ACSF2: variants seen among roughly 807,000 people sequenced by gnomAD.
ACSF2 encodes the protein medium-chain acyl-CoA ligase ACSF2, mitochondrial.
A neutral mutation model predicts 79.3 loss-of-function variants in ACSF2; 52 were observed. That is an observed-to-expected ratio of 0.66 (90% CI 0.53 to 0.83). ACSF2 has a LOEUF of 0.83. ACSF2 is among the 40% of genes least tolerant of loss of function. The pLI, the probability that ACSF2 is intolerant of heterozygous loss-of-function variation, is 0.00. For synonymous variants in ACSF2, 283 were observed against 312.6 expected (o/e 0.91, Z 1.00); for missense variants, 661 against 803.3 (o/e 0.82, Z 2.14).
intron 10 of ACSF2, among the ~76,000 whole-genome samples, chr17:50,470,365 G>GT (rs1205678803): frequency 6.6e-6 from 1 of 152,076 alleles, no homozygotes; most frequent in Non-Finnish European, 1.5e-5. Flanking sequence ...TTTTTCTGTT[G>GT]CTCAGGCTTT....
intron 1 of ACSF2, among the ~76,000 whole-genome samples, chr17:50,457,659 G>A (rs867668638): frequency 1.3e-5 from 2 of 152,112 alleles, no homozygotes; most frequent in Non-Finnish European, 2.9e-5. Flanking sequence ...CTTCTTTACC[G>A]AATAGCCTTA....
chr17:50,444,481 G>A (rs1359709157), intron 1 of ACSF2, among the ~76,000 whole-genome samples: 3 of 152,038 alleles, frequency 2.0e-5, no homozygotes, highest in African/African-American at 7.3e-5. Context: ...TTTGAACCAG[G>A]GAGGTAGAAG....
At chr17:50,468,063 G>A in intron 10 of ACSF2, 3 of 1,602,698 alleles carry the variant, frequency 1.9e-6, no homozygotes, top group Non-Finnish European at 2.6e-6. Flanking sequence ...GTGTTGTCCA[G>A]CCAGAGGGTC....
intron 5 of ACSF2, 37 bp from the exon 6 acceptor site, chr17:50,462,383 C>T: frequency 1.2e-6 from 2 of 1,610,330 alleles, no homozygotes; most frequent in Admixed American, 1.7e-5. Flanking sequence ...TGCCCCCTCC[C>T]TCAGCCCCTG....
Position 50,474,732 on chromosome 17 carries a change from G to A in ACSF2, c.*180G>A. Reference sequence around the variant, plus strand: ...GGTCCGGGAACTCGCCTGGGCACAAGGTGCCAAAAGGCAGGCAGCCTGCCC... The same window carrying A: ...GGTCCGGGAACTCGCCTGGGCACAAAGTGCCAAAAGGCAGGCAGCCTGCCC... On this transcript the variant is annotated 3_prime_UTR_variant, in exon 16 of 16. Coordinates refer to ENST00000300441, the MANE Select transcript of ACSF2 (RefSeq NM_025149.6). The surrounding 1 kb of genome is among the most constrained non-coding windows in gnomAD (Gnocchi z 4.2). 1 of 633,610 alleles carries A rather than the reference G, an allele frequency of 1.6e-6. No homozygotes were observed. The allele number at this position is 633,610 out of a possible 1,614,324, so 39.2% of individuals were successfully genotyped here.
chr17:50,462,777 G>A (rs1751505420), intron 6 of ACSF2, 192 bp downstream of exon 6: 10 of 671,648 alleles, frequency 1.5e-5, no homozygotes, highest in Non-Finnish European at 2.5e-5. Context: ...CTAGCCCCCC[G>A]CCCTCTCCAC....
intron 10 of ACSF2, chr17:50,467,911 C>T (rs2032843098): frequency 4.4e-6 from 4 of 912,512 alleles, no homozygotes; most frequent in South Asian, 1.8e-5. Context: ...GGCAGAGCTG[C>T]TCACCTTGGA....
Position 50,474,347 on chromosome 17 carries a change from A to T in ACSF2, c.1797+80A>T. 6.4e-7 allele frequency: 1 copy of T among 1,550,472 alleles called. No individual in the cohort carries two copies. The highest frequency in any genetic ancestry group is 1.7e-4 in the Middle Eastern group (1 of 5,908). On this transcript the variant is annotated intron_variant, in intron 15 of 15. Coordinates refer to ENST00000300441, the MANE Select transcript of ACSF2 (RefSeq NM_025149.6). This position sits in a 1 kb window ranked among gnomAD's most constrained non-coding sequence, Gnocchi z 4.2. ...GGCCCCACCTCTGTTTCCTTCAGCA[A>T]TGGGTGTGGAGAGACTGGCAGTAGG... is the stretch of plus-strand genomic sequence containing the variant.
At chr17:50,472,296 A>C in intron 11 of ACSF2, 132 bp from the exon 12 acceptor site, 1 of 1,079,568 alleles carries the variant, frequency 9.3e-7, no homozygotes. Flanking sequence ...GGGGATAAGC[A>C]GAGCCAGGGG....
rs140315387 is a variant in ACSF2, at chr17:50,426,769, A to G, written c.128+380A>G. On this transcript the variant is annotated intron_variant, in intron 1 of 15. Transcript: ENST00000300441. ...TCTGAGTTGGAACCCCTTCATGGGC[A>G]AACTTGGGGATCAGCCCCAGTCTCC... 5.8e-4 allele frequency: 540 copies of G among 937,726 alleles called. 1 individual carries two copies. The African/African-American group carries it at 8.0e-3, about 14-fold the overall frequency. 58.1% of individuals were successfully genotyped at this position (937,726 alleles called of 1,614,324 possible).
intron 1 of ACSF2, among the ~76,000 whole-genome samples, chr17:50,453,399 G>T (rs968908823): frequency 2.6e-5 from 4 of 152,010 alleles, no homozygotes; most frequent in Non-Finnish European, 4.4e-5. Flanking sequence ...GTAGAGACGG[G>T]GTTGCACCAT....
intron 1 of ACSF2, among the ~76,000 whole-genome samples, chr17:50,427,895 C>A (rs78073581): frequency 6.6e-6 from 1 of 152,184 alleles, no homozygotes; most frequent in Non-Finnish European, 1.5e-5. Context: ...GGAGGAGACT[C>A]ATTTATCCAG....
At chr17:50,440,222 G>A (rs879921121) in intron 1 of ACSF2, among the ~76,000 whole-genome samples, 121 of 151,328 alleles carry the variant, frequency 8.0e-4, no homozygotes, top group Non-Finnish European at 1.6e-3. Flanking sequence ...TGGCTAGCTA[G>A]TATGGCACCC....
At chr17:50,452,290 G>A (rs1355020391) in intron 1 of ACSF2, among the ~76,000 whole-genome samples, 2 of 151,670 alleles carry the variant, frequency 1.3e-5, no homozygotes, top group East Asian at 1.9e-4. Context: ...TTCCCATGTC[G>A]CATTGAAAAA....
At position 50,436,697 on chromosome 17, in the gene ACSF2, G is replaced by C. The variant is rs1009158002; in HGVS notation, c.128+10308G>C. Among the ~76,000 whole-genome samples the C allele has an allele frequency of 4.0e-5, 6 of 149,568 alleles. No individual in the cohort carries two copies. The South Asian group carries it at 1.3e-3, about 31-fold the overall frequency. The stretch of plus-strand genomic sequence containing the variant: ...GATCCACCTACCTCGGCCTCCCAAA[G>C]TGCTGGGATTACAGGTGTGAGCCAC... On this transcript the variant is annotated intron_variant, in intron 1 of 15. Coordinates refer to ENST00000300441, the MANE Select transcript of ACSF2 (RefSeq NM_025149.6).
Position 50,471,198 on chromosome 17 carries a change from T to C in ACSF2, c.1323+63T>C. ...GTCACCCAGCTGGGGTGCACCCAGC[T>C]GGGACATCGGTTGCTTTCAGTGAGA... is the stretch of plus-strand genomic sequence containing the variant. On this transcript the variant is annotated intron_variant, in intron 11 of 15. Coordinates refer to ENST00000300441, the MANE Select transcript of ACSF2 (RefSeq NM_025149.6). The surrounding 1 kb of genome is among the most constrained non-coding windows in gnomAD (Gnocchi z 4.1). The C allele has an allele frequency of 7.1e-7, 1 of 1,411,350 alleles. No individual in the cohort carries two copies. Among genetic ancestry groups the C allele is most frequent in the Non-Finnish European group, 1.0e-6 (1 of 998,382 alleles). The allele number at this position is 1,411,350 out of a possible 1,614,324, so 87.4% of individuals were successfully genotyped here. A position where few individuals can be genotyped will look rare whatever the true frequency, so the allele number is the denominator to read the frequency against.
intron 10 of ACSF2, among the ~76,000 whole-genome samples, chr17:50,466,187 C>T (rs1006804120): frequency 6.0e-5 from 9 of 150,862 alleles, no homozygotes; most frequent in Non-Finnish European, 7.4e-5. Flanking sequence ...CCCGGGTTCA[C>T]GCCATTCTCC....
chr17:50,452,446 T>C (rs1416097928), intron 1 of ACSF2, among the ~76,000 whole-genome samples: 4 of 150,646 alleles, frequency 2.7e-5, no homozygotes, highest in Non-Finnish European at 5.9e-5. Flanking sequence ...ATTGTGCCAC[T>C]GCACTACAGC....
chr17:50,436,097 T>TTTGTTG lies in ACSF2; in HGVS notation c.128+9723_128+9728dup, dbSNP rs143622318. ...ATGTGAGACTTAGTCAGAGTTCATT[T>TTTGTTG]TTGTTGTTGTTGTTGTTGTTATTTT... On this transcript the variant is annotated intron_variant, in intron 1 of 15. Coordinates refer to ENST00000300441, the MANE Select transcript of ACSF2 (RefSeq NM_025149.6). Among the ~76,000 whole-genome samples, 1,059 of 152,132 alleles carry TTTGTTG rather than the reference T, an allele frequency of 7.0e-3. 13 individuals carry two copies. Among genetic ancestry groups the TTTGTTG allele is most frequent in the African/African-American group, 0.024 (999 of 41,502 alleles).
Sources: allele counts gnomAD v4.1 joint callset (sites outside exome capture counted in the v4.1 genomes callset), GRCh38; gene constraint gnomAD v4.1.1; non-coding constraint Gnocchi (gnomAD v3.1); transcripts MANE v1.5; gene names NCBI Gene and HGNC (gene_info 2026-07-23, HGNC 2026-07-21).